EIF4E: variants seen among roughly 807,000 people sequenced by gnomAD.
The protein encoded by EIF4E is eukaryotic translation initiation factor 4E.
For synonymous variants in EIF4E, 71 were observed against 88.5 expected, an observed-to-expected ratio of 0.80 and a Z score of 1.11; for missense variants, 113 against 265.6, an observed-to-expected ratio of 0.43 and a Z score of 3.99.
intron 5 of EIF4E, among the ~76,000 whole-genome samples, chr4:98,886,117 A>C (rs1723908892): frequency 6.6e-6 from 1 of 152,058 alleles, no homozygotes; most frequent in Non-Finnish European, 1.5e-5. Flanking sequence ...ACTGCACTCT[A>C]GCCTGGGCGA....
chr4:98,887,321 T>G lies in EIF4E; in HGVS notation c.286-129A>C. 1.0e-6 allele frequency: 1 copy of G among 967,274 alleles called. No individual in the cohort carries two copies. Among genetic ancestry groups the G allele is most frequent in the South Asian group, 1.3e-5 (1 of 76,958 alleles). 59.9% of individuals were successfully genotyped at this position (967,274 alleles called of 1,614,324 possible). On this transcript the variant is annotated intron_variant, in intron 4 of 6. Transcript: ENST00000450253. This position sits in a 1 kb window ranked among gnomAD's most constrained non-coding sequence, Gnocchi z 4.0. ...ATTGCCCATAAAACTGCCATTGATG[T>G]AGTTTTTAAACAGCACATAAGACTT...
rs747159659 is a variant in EIF4E at position 98,887,871 on chromosome 4, A to T, written c.285+18T>A. On this transcript the variant is annotated intron_variant, in intron 4 of 6. Transcript: ENST00000450253. This position sits in a 1 kb window ranked among gnomAD's most constrained non-coding sequence, Gnocchi z 4.0. ...CCCAGTCCTATAATAAATATATAAAATCACCAATTAAGCATACCTTAAAAA... is the reference window on the plus strand; with the variant it reads ...CCCAGTCCTATAATAAATATATAAATTCACCAATTAAGCATACCTTAAAAA... The T allele has an allele frequency of 6.2e-7, 1 of 1,607,626 alleles. No homozygotes were observed. The highest frequency in any genetic ancestry group is 1.1e-5 in the South Asian group (1 of 90,716).
intron 1 of EIF4E, among the ~76,000 whole-genome samples, chr4:98,914,314 G>C (rs1725277516): frequency 8.2e-6 from 1 of 121,286 alleles, no homozygotes; most frequent in Admixed American, 1.1e-4. Context: ...AGTGACCTGA[G>C]ACCGTGCCAC....
At chr4:98,909,926 C>G (rs1390056087) in intron 1 of EIF4E, 1 of 546,964 alleles carries the variant, frequency 1.8e-6, no homozygotes, top group Non-Finnish European at 3.2e-6. Flanking sequence ...GTCCTCAGTT[C>G]TTTTCAACAA....
intron 1 of EIF4E, chr4:98,926,381 A>G (rs1725867105): frequency 6.6e-6 from 1 of 152,082 alleles, no homozygotes. Flanking sequence ...CATCTCTACT[A>G]AAAGTACAAA....
In EIF4E at chr4:98,919,344, A is replaced by AC. The variant is rs1725547494; in HGVS notation, c.18+9750_18+9751insG. Among the ~76,000 whole-genome samples the AC allele has an allele frequency of 5.4e-5, 8 of 147,188 alleles. No homozygotes were observed. The South Asian group carries it at 1.7e-3, about 31-fold the overall frequency. ...ACAAAAAGACTAGCAAAAAAAAAAA[A>AC]AACAAAAAAAAACATTAACCCACAG... On this transcript the variant is annotated intron_variant, in intron 1 of 6. Transcript: ENST00000450253.
In EIF4E at chr4:98,901,924, T is replaced by A. The variant is rs1724666608; in HGVS notation, c.77A>T (p.Gln26Leu). 2 of 1,612,814 alleles carry A rather than the reference T, an allele frequency of 1.2e-6. No homozygotes were observed. The highest frequency in any genetic ancestry group is 2.7e-5 in the African/African-American group (2 of 74,902). The change falls in exon 2 of 7, where the codon CAG becomes CTG. Residue 26 changes from glutamine to leucine, a missense_variant. Coordinates refer to ENST00000450253, the MANE Select transcript of EIF4E (RefSeq NM_001968.5). ...TTEEEKTESNQEVANPEHYIK... is the reference protein window; with the variant it reads ...TTEEEKTESNLEVANPEHYIK... The stretch of plus-strand genomic sequence containing the variant: ...ATAGTGTTCTGGGTTAGCAACCTCC[T>A]GATTAGATTCCGTTTTCTCCTCTTC...
chr4:98,928,941 C>T (rs946207480), intron 1 of EIF4E, 154 bp downstream of exon 1: 5 of 1,577,518 alleles, frequency 3.2e-6, no homozygotes, highest in Non-Finnish European at 4.3e-6. Context: ...CCGGGACGTC[C>T]CCACTTGTCC....
chr4:98,892,549 G>T (rs534909769), intron 2 of EIF4E, among the ~76,000 whole-genome samples: 3 of 151,876 alleles, frequency 2.0e-5, no homozygotes, highest in East Asian at 1.9e-4. Flanking sequence ...AGGCCTGGTG[G>T]TATGTGCCTG....
chr4:98,901,837 G>A, intron 2 of EIF4E, 39 bp downstream of exon 2: 10 of 1,568,226 alleles, frequency 6.4e-6, no homozygotes, highest in Non-Finnish European at 8.8e-6. Flanking sequence ...AATTTACCTT[G>A]TGGCCTAACT....
At chr4:98,914,361 CAAAAAAA>C (rs1159581783) in intron 1 of EIF4E, among the ~76,000 whole-genome samples, 6 of 34,830 alleles carry the variant, frequency 1.7e-4, no homozygotes, top group Admixed American at 5.3e-4. Flanking sequence ...GACTCCGTCT[CAAAAAAA>C]AAAAAAAAAA....
At chr4:98,897,076 C>T (rs1724440957) in intron 2 of EIF4E, among the ~76,000 whole-genome samples, 2 of 152,148 alleles carry the variant, frequency 1.3e-5, no homozygotes, top group Admixed American at 1.3e-4. Flanking sequence ...GCAGGAGGCC[C>T]TAAGATCCAT....
chr4:98,918,709 C>T lies in EIF4E; in HGVS notation c.18+10386G>A, dbSNP rs1033800204. On this transcript the variant is annotated intron_variant, in intron 1 of 6. Coordinates refer to ENST00000450253, the MANE Select transcript of EIF4E (RefSeq NM_001968.5). ...ATTATGTTAAAACCAAATAGTGTAA[C>T]ATATACCATCAGAAAAAAGAAGTGA... 3.9e-5 allele frequency among the ~76,000 whole-genome samples: 6 copies of T among 152,006 alleles called. No homozygotes were observed. The East Asian group carries it at 5.8e-4, about 15-fold the overall frequency.
At chr4:98,901,490 C>T (rs1350376907) in intron 2 of EIF4E, among the ~76,000 whole-genome samples, 1 of 152,030 alleles carries the variant, frequency 6.6e-6, no homozygotes. Flanking sequence ...GGTTTACAGG[C>T]GTGAGCCACC....
chr4:98,901,029 A>G (rs773959227), intron 2 of EIF4E, among the ~76,000 whole-genome samples: 1 of 152,146 alleles, frequency 6.6e-6, no homozygotes, highest in Non-Finnish European at 1.5e-5. Flanking sequence ...GAACTACTCT[A>G]TGGAACCTTA....
At chr4:98,918,353 C>T (rs760665090) in intron 1 of EIF4E, among the ~76,000 whole-genome samples, 3 of 142,676 alleles carry the variant, frequency 2.1e-5, no homozygotes, top group Non-Finnish European at 3.0e-5. Flanking sequence ...AGCAAAGCTC[C>T]GTCTTGGAAA....
chr4:98,903,419 G>A (rs1724731891), intron 1 of EIF4E: 1 of 450,152 alleles, frequency 2.2e-6, no homozygotes, highest in Non-Finnish European at 4.4e-6. Context: ...ATAGCTCACT[G>A]CAGCCTCAAT....
intron 1 of EIF4E, among the ~76,000 whole-genome samples, chr4:98,926,832 G>A (rs915499843): frequency 6.6e-6 from 1 of 152,156 alleles, no homozygotes; most frequent in Non-Finnish European, 1.5e-5. Flanking sequence ...GGATATATCA[G>A]GAGCTATTAA....
chr4:98,894,543 T>C (rs927476811), intron 2 of EIF4E, among the ~76,000 whole-genome samples: 3 of 152,246 alleles, frequency 2.0e-5, no homozygotes, highest in Non-Finnish European at 4.4e-5. Flanking sequence ...CTCTGCCAGC[T>C]TTCAACTTTT....
Sources: allele counts gnomAD v4.1 joint callset (sites outside exome capture counted in the v4.1 genomes callset), GRCh38; gene constraint gnomAD v4.1.1; non-coding constraint Gnocchi (gnomAD v3.1); transcripts MANE v1.5; gene names NCBI Gene and HGNC (gene_info 2026-07-23, HGNC 2026-07-21).